FNTB: variants seen among roughly 807,000 people sequenced by gnomAD.
FNTB encodes protein farnesyltransferase subunit beta.
Under a neutral mutation model 59.4 loss-of-function variants are expected in FNTB, and 27 were observed. That is an observed-to-expected ratio of 0.45 (90% confidence interval 0.34 to 0.63). The LOEUF (loss-of-function observed/expected upper bound fraction) is 0.63. Among genes scored for constraint, FNTB ranks in the 20% least tolerant of loss-of-function variants. The pLI, the probability that FNTB is intolerant of heterozygous loss-of-function variation, is 0.02. For missense variants in FNTB, 449 were observed against 559.6 expected, an observed-to-expected ratio of 0.80 and a Z score of 1.99; for synonymous variants, 230 against 220.7, an observed-to-expected ratio of 1.04 and a Z score of -0.37.
intron 1 of FNTB, chr14:65,003,252 T>C (rs1363533763): frequency 1.3e-5 from 2 of 152,198 alleles, no homozygotes; most frequent in South Asian, 2.1e-4. Context: ...GTTTCAACAA[T>C]TGATGTTGTT....
At chr14:64,987,172 G>A (rs1002120834) in intron 1 of FNTB, 75 bp downstream of exon 1, 28 of 1,562,624 alleles carry the variant, frequency 1.8e-5, no homozygotes, top group Non-Finnish European at 2.4e-5. Context: ...AGGGCCGCCC[G>A]GGTGCGGAAC....
chr14:64,993,028 G>C (rs763487305), intron 1 of FNTB, among the ~76,000 whole-genome samples: 1 of 152,192 alleles, frequency 6.6e-6, no homozygotes, highest in East Asian at 1.9e-4. Context: ...GTAGAGACAG[G>C]GTTTCCCTGT....
rs558779142 is a variant in FNTB, at chr14:65,050,318, G to A, written c.956-2920G>A. ...TTTTAAAAAGTAACTAAAGCTGGCC[G>A]GGCGTGGTGGCTCACGCCTGTAATC... On this transcript the variant is annotated intron_variant, in intron 9 of 11. Coordinates refer to ENST00000246166, the MANE Select transcript of FNTB (RefSeq NM_002028.4). Among the ~76,000 whole-genome samples, 144 of 152,292 alleles carry A rather than the reference G, an allele frequency of 9.5e-4. 8 individuals carry two copies. The South Asian group carries it at 0.024, about 25-fold the overall frequency.
intron 11 of FNTB, among the ~76,000 whole-genome samples, chr14:65,057,016 A>G (rs913665697): frequency 1.3e-5 from 2 of 152,176 alleles, no homozygotes; most frequent in African/African-American, 2.4e-5. Context: ...ATAACAGCCT[A>G]CCCTTGCAGG....
intron 3 of FNTB, 124 bp from the exon 4 acceptor site, chr14:65,015,501 G>T: frequency 7.2e-6 from 4 of 557,152 alleles, no homozygotes; most frequent in Non-Finnish European, 1.1e-5. Flanking sequence ...ACTGATTGTT[G>T]TTTGAGCAAG....
At chr14:65,040,753 C>G (rs1188919611) in intron 7 of FNTB, 37 bp from the exon 8 acceptor site, 11 of 1,603,942 alleles carry the variant, frequency 6.9e-6, no homozygotes, top group Middle Eastern at 2.2e-4. Context: ...CGTCCACTCA[C>G]TGGCCACTCA....
At position 65,030,587 on chromosome 14, in the gene FNTB, A is replaced by T. The variant is rs557884250; in HGVS notation, c.606-2023A>T. On this transcript the variant is annotated intron_variant, in intron 6 of 11. Coordinates refer to ENST00000246166, the MANE Select transcript of FNTB (RefSeq NM_002028.4). The surrounding 1 kb of genome is among the most constrained non-coding windows in gnomAD (Gnocchi z 4.5). ...GACCCTGTCTCTACAAAAAATTTTT[A>T]AAAAATTAGCCAGGTGTGGTGGCAT... Among the ~76,000 whole-genome samples, 217 of 152,140 alleles carry T rather than the reference A, an allele frequency of 1.4e-3. 2 individuals are homozygous for T. Among genetic ancestry groups the T allele is most frequent in the African/African-American group, 4.7e-3 (196 of 41,528 alleles).
chr14:65,010,194 C>T (rs1386581676), intron 2 of FNTB, among the ~76,000 whole-genome samples: 2 of 152,176 alleles, frequency 1.3e-5, no homozygotes, highest in African/African-American at 4.8e-5. Context: ...ATGACACTTC[C>T]TTTGCTCTTC....
intron 11 of FNTB, among the ~76,000 whole-genome samples, chr14:65,056,894 C>G (rs553511920): frequency 6.6e-6 from 1 of 152,262 alleles, no homozygotes; most frequent in South Asian, 2.1e-4. Context: ...CTGAGAAATT[C>G]AAGGGCATGG....
chr14:65,041,096 C>T (rs2062343178), intron 8 of FNTB, among the ~76,000 whole-genome samples, 177 bp downstream of exon 8: 1 of 152,178 alleles, frequency 6.6e-6, no homozygotes, highest in Admixed American at 6.5e-5. Context: ...TTCTGCCTTT[C>T]TGTCTTCCTG....
chr14:65,040,828 G>C lies in FNTB; in HGVS notation c.731G>C (p.Gly244Ala). 1.9e-6 allele frequency: 3 copies of C among 1,613,738 alleles called. No individual in the cohort carries two copies. Among genetic ancestry groups the C allele is most frequent in the Non-Finnish European group, 1.7e-6 (2 of 1,179,968 alleles). Residue 244 changes from glycine to alanine, a missense_variant, in exon 8 of 12, where the codon GGG (glycine) becomes GCG (alanine). Transcript: ENST00000246166. ...GAAGGTGGCATTGGCGGGGTACCAGGGATGGAAGCCCATGGTGGCTATACC... is the reference window on the plus strand; with the variant it reads ...GAAGGTGGCATTGGCGGGGTACCAGCGATGGAAGCCCATGGTGGCTATACC... ...NWEGGIGGVP[G>A]MEAHGGYTFC...
chr14:65,008,760 G>A (rs1595008015), intron 2 of FNTB, among the ~76,000 whole-genome samples: 1 of 152,350 alleles, frequency 6.6e-6, no homozygotes, highest in South Asian at 2.1e-4. Flanking sequence ...GGAGAGTAGT[G>A]TGGGTGGAGG....
chr14:65,042,016 A>G (rs1236651388), intron 8 of FNTB, among the ~76,000 whole-genome samples: 1 of 152,108 alleles, frequency 6.6e-6, no homozygotes, highest in East Asian at 1.9e-4. Context: ...TTCTTTTATA[A>G]GGTAGGGATA....
At chr14:65,042,740 A>G (rs537796172) in intron 8 of FNTB, among the ~76,000 whole-genome samples, 1 of 152,308 alleles carries the variant, frequency 6.6e-6, no homozygotes, top group African/African-American at 2.4e-5. Flanking sequence ...TAGGCACTGG[A>G]AAAAGTAAAT....
At chr14:65,037,367 T>C (rs2062215971) in intron 7 of FNTB, among the ~76,000 whole-genome samples, 1 of 130,048 alleles carries the variant, frequency 7.7e-6, no homozygotes, top group South Asian at 2.7e-4. Context: ...CCTCCCAAAG[T>C]GCTGAGATTA....
Position 65,007,123 on chromosome 14 carries a change from G to A in FNTB, c.209+2810G>A, listed in dbSNP as rs192582259. On this transcript the variant is annotated intron_variant, in intron 2 of 11. Coordinates refer to ENST00000246166, the MANE Select transcript of FNTB (RefSeq NM_002028.4). The surrounding 1 kb of genome is among the most constrained non-coding windows in gnomAD (Gnocchi z 4.9). The stretch of plus-strand genomic sequence containing the variant: ...CTATACATTTTGGCTGAATGGCTGA[G>A]TATATAATTCAACATATCAATATAA... 2.6e-5 allele frequency among the ~76,000 whole-genome samples: 4 copies of A among 152,254 alleles called. No homozygotes were observed. In the East Asian group the frequency reaches 5.8e-4, roughly 22 times the overall value.
Position 65,009,733 on chromosome 14 carries a change from A to G in FNTB, c.210-2584A>G, listed in dbSNP as rs1198635779. On this transcript the variant is annotated intron_variant, in intron 2 of 11. Transcript: ENST00000246166. This position sits in a 1 kb window ranked among gnomAD's most constrained non-coding sequence, Gnocchi z 4.2. ...GATCCAGCTGAACTAAACTAACTCA[A>G]ATGTGTCATGGTGTTTTCTTCATTT... is the stretch of plus-strand genomic sequence containing the variant. 6.6e-6 allele frequency among the ~76,000 whole-genome samples: 1 copy of G among 151,914 alleles called. No individual in the cohort carries two copies. The highest frequency in any genetic ancestry group is 1.5e-5 in the Non-Finnish European group (1 of 67,972).
In FNTB at chr14:65,007,449, G is replaced by T. The variant is rs1207263124; in HGVS notation, c.209+3136G>T. 6.6e-6 allele frequency among the ~76,000 whole-genome samples: 1 copy of T among 152,204 alleles called. No individual in the cohort carries two copies. Among genetic ancestry groups the T allele is most frequent in the Admixed American group, 6.5e-5 (1 of 15,284 alleles). On this transcript the variant is annotated intron_variant, in intron 2 of 11. Coordinates refer to ENST00000246166, the MANE Select transcript of FNTB (RefSeq NM_002028.4). This position sits in a 1 kb window ranked among gnomAD's most constrained non-coding sequence, Gnocchi z 4.9. ...ACAGACCACGCACAGGTCCAGGGAT[G>T]CCTGTGATGATGCTGAAGTAGGCAT...
At position 65,030,925 on chromosome 14, in the gene FNTB, G is replaced by A. The variant is rs529281085; in HGVS notation, c.606-1685G>A. On this transcript the variant is annotated intron_variant, in intron 6 of 11. Coordinates refer to ENST00000246166, the MANE Select transcript of FNTB (RefSeq NM_002028.4). This position sits in a 1 kb window ranked among gnomAD's most constrained non-coding sequence, Gnocchi z 4.5. ...GGGGTTCAAACGATTCTCCTGCCTC[G>A]GTCTCCCAAGTAGCTGGGATTACAG... is the stretch of plus-strand genomic sequence containing the variant. 2.0e-5 allele frequency among the ~76,000 whole-genome samples: 3 copies of A among 151,628 alleles called. No individual in the cohort carries two copies. Among genetic ancestry groups the A allele is most frequent in the Admixed American group, 6.6e-5 (1 of 15,232 alleles).
Sources: gnomAD v4.1 joint callset for allele counts (sites outside exome capture counted in the v4.1 genomes callset) on GRCh38, gnomAD v4.1.1 for gene constraint, Gnocchi (gnomAD v3.1) non-coding constraint, MANE v1.5 for transcripts, NCBI Gene and HGNC (gene_info 2026-07-23, HGNC 2026-07-21) for gene names.